DENND3: variants seen among roughly 807,000 people sequenced by gnomAD.
The protein encoded by DENND3 is DENN domain containing 3.
DENND3 carries 88 observed loss-of-function variants against 135.1 expected under a neutral mutation model. The ratio of observed to expected loss-of-function variants is 0.65; its 90% CI spans 0.55 to 0.78. DENND3 has a LOEUF of 0.78. Among genes scored for constraint, DENND3 ranks in the 30% least tolerant of loss-of-function variants. DENND3 has a pLI of 0.00. For synonymous variants in DENND3, 693 were observed against 712.3 expected (o/e 0.97, Z 0.43); for missense variants, 1,392 against 1,688.4 (o/e 0.82, Z 3.08).
chr8:141,189,528 C>T (rs938185975), intron 19 of DENND3, among the ~76,000 whole-genome samples: 4 of 152,214 alleles, frequency 2.6e-5, no homozygotes, highest in African/African-American at 9.7e-5. Flanking sequence ...GCTGCCTGTT[C>T]GCTGCTGTTT....
rs751783219 is a variant in DENND3 at position 141,160,706 on chromosome 8, G to C, written c.1271G>C (p.Arg424Pro). The C allele has an allele frequency of 6.2e-7, 1 of 1,613,320 alleles. No individual in the cohort carries two copies. Among genetic ancestry groups the C allele is most frequent in the Non-Finnish European group, 8.5e-7 (1 of 1,179,866 alleles). ...TCCAGCACAGACCTGAAGGAGGGCC[G>C]AGCCCACCGGCGGTCCTGGCAGCAG... Reference protein sequence around the residue: ...LLSSTDLKEGRAHRRSWQQKL... With the variant: ...LLSSTDLKEGPAHRRSWQQKL... The change falls in exon 9 of 23, where the codon CGA (arginine) becomes CCA (proline). Residue 424 changes from arginine to proline, a missense_variant. Coordinates refer to ENST00000519811, the MANE Select transcript of DENND3 (RefSeq NM_001352890.3).
Position 141,194,286 on chromosome 8 carries a change from C to T in DENND3, c.*53C>T. The T allele has an allele frequency of 6.4e-7, 1 of 1,570,890 alleles. No individual in the cohort carries two copies. The highest frequency in any genetic ancestry group is 8.6e-7 in the Non-Finnish European group (1 of 1,156,288). On this transcript the variant is annotated 3_prime_UTR_variant, in exon 23 of 23. Transcript: ENST00000519811. ...GTGCCCTATGTGTGGGGACTGGCTGCCCCCTAGAGCCTGCCAGGAGCAGAA... is the reference window on the plus strand; with the variant it reads ...GTGCCCTATGTGTGGGGACTGGCTGTCCCCTAGAGCCTGCCAGGAGCAGAA...
intron 16 of DENND3, among the ~76,000 whole-genome samples, chr8:141,179,436 C>T (rs764894695): frequency 7.2e-5 from 11 of 152,230 alleles, no homozygotes; most frequent in Non-Finnish European, 1.2e-4. Flanking sequence ...TGACGGCAGA[C>T]GAGGAGCCGC....
chr8:141,136,434 G>A, intron 1 of DENND3, 75 bp from the exon 2 acceptor site: 1 of 1,409,000 alleles, frequency 7.1e-7, no homozygotes, highest in Non-Finnish European at 9.4e-7. Flanking sequence ...AACAAGCAGT[G>A]AAGCTCAGAC....
In DENND3 at chr8:141,145,401, G is replaced by GTC. The variant is rs199770921; in HGVS notation, c.735+1146_735+1147dup. Among the ~76,000 whole-genome samples the GTC allele has an allele frequency of 4.3e-3, 659 of 152,218 alleles. 6 individuals carry two copies. The highest frequency in any genetic ancestry group is 0.015 in the African/African-American group (611 of 41,532). On this transcript the variant is annotated intron_variant, in intron 5 of 22. Transcript: ENST00000519811. ...ATGTATGTCTTTGCCTGTCACTCCT[G>GTC]TCTCTGTAAAATGCATAAAACCAAA...
chr8:141,160,197 A>G (rs1463915198), intron 8 of DENND3, among the ~76,000 whole-genome samples: 18 of 18,806 alleles, frequency 9.6e-4, no homozygotes, highest in Non-Finnish European at 6.8e-4. Context: ...TTTTTTTTTA[A>G]GACAGAGTTT....
intron 18 of DENND3, 105 bp downstream of exon 18, chr8:141,185,383 C>A: frequency 1.4e-6 from 2 of 1,447,468 alleles, no homozygotes; most frequent in Non-Finnish European, 1.9e-6. Flanking sequence ...TATTCCACAG[C>A]CTCACTCGGT....
At position 141,168,123 on chromosome 8, in the gene DENND3, A is replaced by G. The variant is rs771493434; in HGVS notation, c.1873A>G (p.Met625Val). 3.1e-6 allele frequency: 5 copies of G among 1,614,190 alleles called. No individual in the cohort carries two copies. Among genetic ancestry groups the G allele is most frequent in the Non-Finnish European group, 4.2e-6 (5 of 1,180,038 alleles). Reference sequence around the variant, plus strand: ...CTTTGTCTCCATGCTGAGCGAGGCCATGTGCTTTCTGGCCCCCGATAACTC... The same window carrying G: ...CTTTGTCTCCATGCTGAGCGAGGCCGTGTGCTTTCTGGCCCCCGATAACTC... ...AHFVSMLSEA[M>V]CFLAPDNSLL... is the part of the protein sequence containing the mutation. The change falls in exon 13 of 23, where the codon ATG becomes GTG. Residue 625 changes from methionine to valine, a missense_variant. By Grantham distance (21) the Met-to-Val change is conservative. Transcript: ENST00000519811. The surrounding 1 kb of genome is among the most constrained non-coding windows in gnomAD (Gnocchi z 6.2).
Position 141,128,745 on chromosome 8 carries a change from C to T in DENND3, c.38C>T (p.Ser13Leu), listed in dbSNP as rs1223433469. 1.4e-6 allele frequency: 2 copies of T among 1,457,410 alleles called. No homozygotes were observed. Among genetic ancestry groups the T allele is most frequent in the Non-Finnish European group, 1.8e-6 (2 of 1,107,356 alleles). 90.3% of individuals were successfully genotyped at this position (1,457,410 alleles called of 1,614,324 possible). Residue 13 changes from serine (S) to leucine (L), a missense_variant, in exon 1 of 23, where the codon TCG (serine) becomes TTG (leucine). Transcript: ENST00000519811. The surrounding 1 kb of genome is among the most constrained non-coding windows in gnomAD (Gnocchi z 4.5). ...EAASPHLSLP[S>L]GLLELCALLG... ...GCGTCGCCGCACTTGTCGCTGCCCT[C>T]GGGGCTGCTGGAGCTCTGCGCGCTG...
In DENND3 at chr8:141,158,448, C is replaced by T. The variant is rs184492450; in HGVS notation, c.1197-2184C>T. Among the ~76,000 whole-genome samples, 184 of 152,344 alleles carry T rather than the reference C, an allele frequency of 1.2e-3. 1 individual carries two copies. Among genetic ancestry groups the T allele is most frequent in the Non-Finnish European group, 3.4e-4 (23 of 68,028 alleles). ...TTCCGGAATAGAAACACACACGATA[C>T]GGAGGCTGGGCCCCGCTTTGGCTAG... is the stretch of plus-strand genomic sequence containing the variant. On this transcript the variant is annotated intron_variant, in intron 8 of 22. Coordinates refer to ENST00000519811, the MANE Select transcript of DENND3 (RefSeq NM_001352890.3).
rs950147454 is a variant in DENND3 at position 141,166,571 on chromosome 8, C to T, written c.1753+182C>T. Among the ~76,000 whole-genome samples, 2 of 152,224 alleles carry T rather than the reference C, an allele frequency of 1.3e-5. No homozygotes were observed. The highest frequency in any genetic ancestry group is 2.9e-5 in the Non-Finnish European group (2 of 68,040). On this transcript the variant is annotated intron_variant, in intron 12 of 22. Coordinates refer to ENST00000519811, the MANE Select transcript of DENND3 (RefSeq NM_001352890.3). This position sits in a 1 kb window ranked among gnomAD's most constrained non-coding sequence, Gnocchi z 4.3. ...GTATGCCTTCTAGAAAATTATTTCT[C>T]GTCTGTATTTTCTGCCACCCAGTGT... is the stretch of plus-strand genomic sequence containing the variant.
In DENND3 at chr8:141,154,025, T is replaced by C. The variant is rs566016147; in HGVS notation, c.1075-1824T>C. Among the ~76,000 whole-genome samples the C allele has an allele frequency of 5.3e-5, 8 of 152,328 alleles. No homozygotes were observed. The highest frequency in any genetic ancestry group is 1.9e-4 in the African/African-American group (8 of 41,574). Reference sequence around the variant, plus strand: ...GACCCTATGCGCCTCCACCAAACACTTGTGTCTCCCAAAGACGCTGGGCGT... The same window carrying C: ...GACCCTATGCGCCTCCACCAAACACCTGTGTCTCCCAAAGACGCTGGGCGT... On this transcript the variant is annotated intron_variant, in intron 7 of 22. Transcript: ENST00000519811. The surrounding 1 kb of genome is among the most constrained non-coding windows in gnomAD (Gnocchi z 4.4).
chr8:141,195,279 T>C lies in DENND3; in HGVS notation c.*1046T>C, dbSNP rs1825214375. 6.6e-6 allele frequency: 1 copy of C among 152,384 alleles called. No individual in the cohort carries two copies. The highest frequency in any genetic ancestry group is 2.4e-5 in the African/African-American group (1 of 41,468). The allele number at this position is 152,384 out of a possible 1,614,324, so 9.4% of individuals were successfully genotyped here. ...GTGGTTGTTGGAGCCGGAGGGAGCG[T>C]GTCAGCACGTGCTGAGGGCATGGGG... On this transcript the variant is annotated 3_prime_UTR_variant, in exon 23 of 23. Coordinates refer to ENST00000519811, the MANE Select transcript of DENND3 (RefSeq NM_001352890.3).
Position 141,194,077 on chromosome 8 carries a change from G to A in DENND3, c.3681G>A (p.Gly1227=). The A allele has an allele frequency of 6.2e-7, 1 of 1,613,990 alleles. No individual in the cohort carries two copies. The highest frequency in any genetic ancestry group is 1.1e-5 in the South Asian group (1 of 91,008). Residue 1227 remains glycine, a synonymous_variant, in exon 23 of 23, where the codon GGG becomes GGA. Coordinates refer to ENST00000519811, the MANE Select transcript of DENND3 (RefSeq NM_001352890.3). ...SRGLGQGTPK[G]KIYVIDAERK... The stretch of plus-strand genomic sequence containing the variant: ...GGCTGGGGCAGGGAACACCCAAGGG[G>A]AAAATCTACGTGATTGACGCCGAGA...
chr8:141,168,036 T>C lies in DENND3; in HGVS notation c.1786T>C (p.Phe596Leu), dbSNP rs1482384691. The C allele has an allele frequency of 2.5e-6, 4 of 1,613,658 alleles. No individual in the cohort carries two copies. Among genetic ancestry groups the C allele is most frequent in the Non-Finnish European group, 3.4e-6 (4 of 1,179,778 alleles). ...TGTCACGCCGAAGTCCCCGTATACA[T>C]TCAAGATTCCCGAAATCCACTTTCC... ...LNVTPKSPYT[F>L]KIPEIHFPLE... The change falls in exon 13 of 23, where the codon TTC becomes CTC. Residue 596 changes from phenylalanine to leucine, a missense_variant. Transcript: ENST00000519811. The surrounding 1 kb of genome is among the most constrained non-coding windows in gnomAD (Gnocchi z 6.2).
At chr8:141,152,010 A>T (rs907223617) in intron 7 of DENND3, among the ~76,000 whole-genome samples, 173 bp downstream of exon 7, 5 of 152,226 alleles carry the variant, frequency 3.3e-5, no homozygotes, top group African/African-American at 1.2e-4. Flanking sequence ...TTGTCCTGTG[A>T]TGAAGCCGGG....
chr8:141,159,471 G>A (rs1819869338), intron 8 of DENND3, among the ~76,000 whole-genome samples: 1 of 152,190 alleles, frequency 6.6e-6, no homozygotes, highest in Non-Finnish European at 1.5e-5. Context: ...TTCTCTGCCC[G>A]CTCAGTCTGA....
intron 10 of DENND3, among the ~76,000 whole-genome samples, chr8:141,164,898 G>T (rs1820578715): frequency 6.6e-6 from 1 of 152,232 alleles, no homozygotes. Flanking sequence ...TCTGAGCCTT[G>T]TCTACTGCCT....
At chr8:141,158,830 A>T (rs1819772087) in intron 8 of DENND3, among the ~76,000 whole-genome samples, 1 of 152,104 alleles carries the variant, frequency 6.6e-6, no homozygotes, top group South Asian at 2.1e-4. Flanking sequence ...GCTCAGGGCT[A>T]TGCTGGCTGC....
Sources: allele counts gnomAD v4.1 joint callset (sites outside exome capture counted in the v4.1 genomes callset), GRCh38; gene constraint gnomAD v4.1.1; non-coding constraint Gnocchi (gnomAD v3.1); transcripts MANE v1.5; gene names NCBI Gene and HGNC (gene_info 2026-07-23, HGNC 2026-07-21).